Variants in FSD1L observed in about 807,000 individuals in gnomAD.
FSD1L encodes the protein FSD1-like protein.
In FSD1L, 45 loss-of-function variants were observed where a neutral mutation model predicts 71.6. The observed-to-expected ratio is 0.63, with a 90% CI of 0.49 to 0.81. FSD1L has a LOEUF of 0.81. FSD1L is among the 30% of genes least tolerant of loss of function. The pLI is 0.00. For synonymous variants in FSD1L, 197 were observed against 207.2 expected, an observed-to-expected ratio of 0.95 and a Z score of 0.42; for missense variants, 561 against 618.1, an observed-to-expected ratio of 0.91 and a Z score of 0.98.
At position 105,506,556 on chromosome 9, in the gene FSD1L, G is replaced by A. The variant is rs1422710070; in HGVS notation, c.744G>A (p.Glu248=). 6.4e-7 allele frequency: 1 copy of A among 1,551,160 alleles called. No homozygotes were observed. The highest frequency in any genetic ancestry group is 8.7e-7 in the Non-Finnish European group (1 of 1,146,752). The change falls in exon 8 of 14, where the codon GAG becomes GAA. Residue 248 remains glutamate, a synonymous_variant. Transcript: ENST00000481272. ...ATGGACTTCCACGTGTAAAGGATGA[G>A]CGATGCTGGGAGATAATTGATAATA... ...NFDGLPRVKD[E]RCWEIIDNIK...
intron 5 of FSD1L, 79 bp downstream of exon 5, chr9:105,472,084 G>C (rs1182781135): frequency 7.4e-7 from 1 of 1,345,546 alleles, no homozygotes. Flanking sequence ...CTTTAGTTTT[G>C]GATTTCTTTA....
chr9:105,532,212 T>C (rs1835937905), intron 10 of FSD1L, among the ~76,000 whole-genome samples: 1 of 152,244 alleles, frequency 6.6e-6, no homozygotes, highest in Non-Finnish European at 1.5e-5. Flanking sequence ...AAATGTAATG[T>C]TATCTTTTCT....
At chr9:105,514,389 A>T (rs1834575139) in intron 10 of FSD1L, among the ~76,000 whole-genome samples, 1 of 152,204 alleles carries the variant, frequency 6.6e-6, no homozygotes, top group Non-Finnish European at 1.5e-5. Context: ...CGAATGTTAT[A>T]TGCATTTATA....
Position 105,544,118 on chromosome 9 carries a change from C to T in FSD1L, c.1468-2240C>T, listed in dbSNP as rs941331191. Among the ~76,000 whole-genome samples the T allele has an allele frequency of 8.5e-4, 130 of 152,226 alleles. 1 individual carries two copies. The highest frequency in any genetic ancestry group is 2.7e-3 in the African/African-American group (112 of 41,550). On this transcript the variant is annotated intron_variant, in intron 13 of 13. Transcript: ENST00000481272. ...TGTTGTTTCCTGACTTTTTAATGAT[C>T]GCCATTCTAACTGGTGTGAGATGGT... is the stretch of plus-strand genomic sequence containing the variant.
chr9:105,525,521 C>G, intron 10 of FSD1L: 1 of 1,610,070 alleles, frequency 6.2e-7, no homozygotes, highest in African/African-American at 1.3e-5. Flanking sequence ...CCTCAAAAAC[C>G]TCAGTCAGCA....
At chr9:105,443,556 T>G (rs1829578820), upstream of FSD1L, among the ~76,000 whole-genome samples, 2 of 152,090 alleles carry the variant, frequency 1.3e-5, no homozygotes, top group African/African-American at 4.8e-5. Flanking sequence ...CTATAATGAG[T>G]GCCCAGGATC....
chr9:105,454,068 A>G (rs1015599360), intron 1 of FSD1L, among the ~76,000 whole-genome samples: 2 of 152,232 alleles, frequency 1.3e-5, no homozygotes, highest in African/African-American at 4.8e-5. Flanking sequence ...TAGGTAATAC[A>G]AGTTTATTGT....
chr9:105,499,345 A>G (rs777746507), intron 7 of FSD1L, among the ~76,000 whole-genome samples: 1 of 152,238 alleles, frequency 6.6e-6, no homozygotes, highest in Non-Finnish European at 1.5e-5. Context: ...TCAGTCAAGA[A>G]TAAGAAAAAT....
At chr9:105,470,046 CTA>C (rs144910415) in intron 4 of FSD1L, among the ~76,000 whole-genome samples, 117 of 152,236 alleles carry the variant, frequency 7.7e-4, no homozygotes, top group African/African-American at 2.5e-3. Flanking sequence ...GCCTTAGTAC[CTA>C]TGTCAGAGAT....
At chr9:105,485,864 C>T (rs578023782) in intron 7 of FSD1L, among the ~76,000 whole-genome samples, 3 of 151,990 alleles carry the variant, frequency 2.0e-5, no homozygotes, top group Admixed American at 6.5e-5. Context: ...TGGATGGTTT[C>T]GATCTCCTGA....
Position 105,452,657 on chromosome 9 carries a change from G to GCCTTCCTT in FSD1L, c.15+4425_15+4426insTCCTTCCT, listed in dbSNP as rs1316467278. Among the ~76,000 whole-genome samples, 235 of 128,476 alleles carry GCCTTCCTT rather than the reference G, an allele frequency of 1.8e-3. 1 individual carries two copies. The highest frequency in any genetic ancestry group is 2.3e-3 in the Non-Finnish European group (139 of 60,180). 84.3% of individuals were successfully genotyped at this position (128,476 alleles called of 152,430 possible). On this transcript the variant is annotated intron_variant, in intron 1 of 13. Coordinates refer to ENST00000481272, the MANE Select transcript of FSD1L (RefSeq NM_001145313.3). ...TGCCTGCCTGCCTGCCTGCCTGCCTGCCTGCCTGCCTGCCTTCCTTCCTTC... is the reference window on the plus strand; with the variant it reads ...TGCCTGCCTGCCTGCCTGCCTGCCTGCCTTCCTTCCTGCCTGCCTGCCTTCCTTCCTTC...
intron 13 of FSD1L, among the ~76,000 whole-genome samples, 151 bp downstream of exon 13, chr9:105,539,502 A>G (rs1836471715): frequency 6.6e-6 from 1 of 152,008 alleles, no homozygotes; most frequent in Admixed American, 6.6e-5. Flanking sequence ...CCTCTCCCAA[A>G]TCTGTGATTG....
At chr9:105,538,022 G>A (rs1466817393) in intron 12 of FSD1L, among the ~76,000 whole-genome samples, 1 of 152,190 alleles carries the variant, frequency 6.6e-6, no homozygotes, top group Non-Finnish European at 1.5e-5. Context: ...GAGGATGACA[G>A]TGTCAACAGG....
At chr9:105,496,281 C>G (rs1833399935) in intron 7 of FSD1L, among the ~76,000 whole-genome samples, 2 of 148,464 alleles carry the variant, frequency 1.3e-5, no homozygotes, top group Non-Finnish European at 3.0e-5. Flanking sequence ...TCTCTGCTCA[C>G]TGCAAGCTCC....
At chr9:105,536,751 T>C (rs1225790602) in intron 12 of FSD1L, among the ~76,000 whole-genome samples, 6 of 151,654 alleles carry the variant, frequency 4.0e-5, no homozygotes, top group African/African-American at 1.5e-4. Flanking sequence ...CTCTCCTGCC[T>C]CAGCCTCCTG....
intron 1 of FSD1L, among the ~76,000 whole-genome samples, chr9:105,450,534 C>CTTTTTTTTTTTTTTTTTTTTTTTTTTT (rs35115121): frequency 1.4e-5 from 2 of 137,932 alleles, no homozygotes; most frequent in African/African-American, 5.3e-5. Flanking sequence ...GGATTGTGTT[C>CTTTTTTTTTTTTTTTTTTTTTTTTTTT]TTTTTTTTTT....
At chr9:105,469,882 A>G (rs1232017855) in intron 4 of FSD1L, among the ~76,000 whole-genome samples, 2 of 152,096 alleles carry the variant, frequency 1.3e-5, no homozygotes. Context: ...GTTTTCTTCT[A>G]GGAGCTTTAG....
intron 7 of FSD1L, among the ~76,000 whole-genome samples, chr9:105,504,764 T>C (rs1213934610): frequency 6.6e-6 from 1 of 152,260 alleles, no homozygotes; most frequent in Admixed American, 6.5e-5. Context: ...ATAGTTGTTA[T>C]ACTGTAGTTT....
chr9:105,493,691 G>C (rs1339962266), intron 7 of FSD1L, among the ~76,000 whole-genome samples: 1 of 152,122 alleles, frequency 6.6e-6, no homozygotes, highest in Non-Finnish European at 1.5e-5. Flanking sequence ...TTTAGGGCAG[G>C]CCTGGTGGTG....
Sources: allele counts gnomAD v4.1 joint callset (sites outside exome capture counted in the v4.1 genomes callset), GRCh38; gene constraint gnomAD v4.1.1; transcripts MANE v1.5; gene names NCBI Gene and HGNC (gene_info 2026-07-23, HGNC 2026-07-21).